Variants in ADH1A observed in about 807,000 individuals in gnomAD.
ADH1A encodes alcohol dehydrogenase 1A (class I), alpha polypeptide, also known as alcohol dehydrogenase 1A.
In ADH1A, 29 loss-of-function variants were observed where a neutral mutation model predicts 35.2. That is an observed-to-expected ratio of 0.82 (90% CI 0.61 to 1.12). The LOEUF is 1.12. Ranked by LOEUF, ADH1A falls within the 50% of genes most tolerant of loss-of-function variation. The probability of loss-of-function intolerance (pLI) is 0.00; values close to 1 mark genes in which losing one functional copy is unlikely to be tolerated. For missense variants in ADH1A, 469 were observed against 464.7 expected (o/e 1.01, Z -0.09); for synonymous variants, 147 against 164.8 (o/e 0.89, Z 0.83).
At chr4:99,278,377 CTGGCTCTCCTT>C (rs1378414275) in intron 8 of ADH1A, 2 of 152,114 alleles carry the variant, frequency 1.3e-5, no homozygotes, top group African/African-American at 4.8e-5. Flanking sequence ...CCTTTGAATT[CTGGCTCTCCTT>C]CCTACCATCT....
Position 99,290,896 on chromosome 4 carries a change from C to A in ADH1A, c.18+1G>T, listed in dbSNP as rs764261126. On this transcript the variant is annotated splice_donor_variant, in intron 1 of 8. Transcript: ENST00000209668. LOFTEE classifies it high-confidence loss of function. ...CCAACAGTAATATATTTTTTGCTTA[C>A]TTTTCCTGCTGTGCTCATGTTGATT... is the stretch of plus-strand genomic sequence containing the variant. 6.2e-7 allele frequency: 1 copy of A among 1,613,720 alleles called. No individual in the cohort carries two copies. Among genetic ancestry groups the A allele is most frequent in the Non-Finnish European group, 8.5e-7 (1 of 1,179,710 alleles).
chr4:99,287,352 T>G (rs974911725), intron 2 of ADH1A, among the ~76,000 whole-genome samples: 2 of 152,208 alleles, frequency 1.3e-5, no homozygotes, highest in African/African-American at 4.8e-5. Context: ...CACTTTGAAA[T>G]TTTCTTTCTG....
intron 2 of ADH1A, 81 bp from the exon 3 acceptor site, chr4:99,287,069 T>A (rs1420707850): frequency 6.8e-7 from 1 of 1,466,364 alleles, no homozygotes; most frequent in African/African-American, 1.4e-5. Flanking sequence ...GAAATTGCGC[T>A]TCCAAAATGT....
chr4:99,282,509 G>T lies in ADH1A; in HGVS notation c.665C>A (p.Ala222Glu), dbSNP rs781090973. The change falls in exon 6 of 9, where the codon GCG (alanine) becomes GAG (glutamate). Residue 222 changes from alanine (A) to glutamate (E), a missense_variant. Physicochemically the swap from Ala to Glu is moderately radical, Grantham distance 107. Transcript: ENST00000209668. ...CKAAGAARII[A>E]VDINKDKFAK... ...AAATTTGTCCTTGTTGATGTCCACC[G>T]CAATGATTCTGGCTGCCCCAGCTGC... is the stretch of plus-strand genomic sequence containing the variant. 2 of 1,614,120 alleles carry T rather than the reference G, an allele frequency of 1.2e-6. No individual in the cohort carries two copies. The highest frequency in any genetic ancestry group is 1.7e-6 in the Non-Finnish European group (2 of 1,180,030).
chr4:99,287,497 G>T, intron 2 of ADH1A, 67 bp downstream of exon 2: 2 of 1,491,612 alleles, frequency 1.3e-6, no homozygotes, highest in Non-Finnish European at 1.8e-6. Context: ...TAAAAATTTG[G>T]TTGTTTCCGT....
At chr4:99,286,410 A>T (rs1733154476) in intron 3 of ADH1A, among the ~76,000 whole-genome samples, 1 of 152,194 alleles carries the variant, frequency 6.6e-6, no homozygotes, top group Non-Finnish European at 1.5e-5. Flanking sequence ...ATTCAGCCGT[A>T]GCCATGTAGC....
intron 5 of ADH1A, among the ~76,000 whole-genome samples, chr4:99,283,670 G>A (rs1733061919): frequency 6.6e-6 from 1 of 152,172 alleles, no homozygotes; most frequent in African/African-American, 2.4e-5. Context: ...AACCAGCAGT[G>A]AGACTTTGGG....
In ADH1A at chr4:99,276,378, A is replaced by T. The variant is rs1374696621; in HGVS notation, c.*246T>A. On this transcript the variant is annotated 3_prime_UTR_variant, in exon 9 of 9. Transcript: ENST00000209668. ...GATGACACAAGTAGAATGGTTAAGA[A>T]GGAAGGTTTATTGGCTTCAATTCCC... 1 of 541,752 alleles carries T rather than the reference A, an allele frequency of 1.8e-6. No individual in the cohort carries two copies. The highest frequency in any genetic ancestry group is 1.9e-5 in the African/African-American group (1 of 51,460). The allele number at this position is 541,752 out of a possible 1,614,324, so 33.6% of individuals were successfully genotyped here. A position where few individuals can be genotyped will look rare whatever the true frequency, so the allele number is the denominator to read the frequency against.
At chr4:99,290,629 T>C (rs4147532) in intron 1 of ADH1A, among the ~76,000 whole-genome samples, 59,428 of 152,010 alleles carry the variant, frequency 0.39, 12,731 homozygotes, top group Admixed American at 0.51. Context: ...TTGGAATAAA[T>C]TATCGCTTTA....
At chr4:99,288,683 A>G (rs1191557021) in intron 1 of ADH1A, 1 of 152,236 alleles carries the variant, frequency 6.6e-6, no homozygotes, top group Non-Finnish European at 1.5e-5. Flanking sequence ...AACATGATCA[A>G]TGCCAAATAA....
intron 6 of ADH1A, 96 bp from the exon 7 acceptor site, chr4:99,280,375 A>C: frequency 1.9e-6 from 3 of 1,573,448 alleles, no homozygotes; most frequent in Non-Finnish European, 8.7e-7. Context: ...CTGGATTGTG[A>C]GTGTGTAGAG....
intron 5 of ADH1A, among the ~76,000 whole-genome samples, chr4:99,284,154 C>T (rs1461827137): frequency 6.6e-6 from 1 of 152,090 alleles, no homozygotes; most frequent in Non-Finnish European, 1.5e-5. Flanking sequence ...TCATAAAGAG[C>T]AAATACAGAA....
intron 7 of ADH1A, 116 bp downstream of exon 7, chr4:99,280,028 A>G (rs1579488979): frequency 1.4e-6 from 2 of 1,453,990 alleles, no homozygotes; most frequent in East Asian, 4.5e-5. Flanking sequence ...GACTGTAGAT[A>G]GAAAAGGAAT....
At chr4:99,283,387 C>A (rs1252917067) in intron 5 of ADH1A, among the ~76,000 whole-genome samples, 1 of 152,128 alleles carries the variant, frequency 6.6e-6, no homozygotes, top group African/African-American at 2.4e-5. Flanking sequence ...TTTATTAAAC[C>A]TAGTCTCCCA....
At chr4:99,280,621 T>C (rs1278997089) in intron 6 of ADH1A, among the ~76,000 whole-genome samples, 1 of 152,202 alleles carries the variant, frequency 6.6e-6, no homozygotes, top group Non-Finnish European at 1.5e-5. Context: ...AGGCAATCTG[T>C]GAGTTGGTTA....
At chr4:99,280,921 C>T (rs1229976) in intron 6 of ADH1A, among the ~76,000 whole-genome samples, 124,220 of 152,154 alleles carry the variant, frequency 0.82, 51,044 homozygotes, top group East Asian at 0.91. Context: ...TTTCTGAACA[C>T]GTTCTATAGT....
rs753005349 is a variant in ADH1A, at chr4:99,290,882, A to G, written c.18+15T>C. On this transcript the variant is annotated intron_variant, in intron 1 of 8. Coordinates refer to ENST00000209668, the MANE Select transcript of ADH1A (RefSeq NM_000667.4). ...ATGAGAATATAGTTCCAACAGTAATATATTTTTTGCTTACTTTTCCTGCTG... is the reference window on the plus strand; with the variant it reads ...ATGAGAATATAGTTCCAACAGTAATGTATTTTTTGCTTACTTTTCCTGCTG... 3 of 1,611,788 alleles carry G rather than the reference A, an allele frequency of 1.9e-6. No individual in the cohort carries two copies. The highest frequency in any genetic ancestry group is 2.5e-6 in the Non-Finnish European group (3 of 1,177,916).
In ADH1A at chr4:99,276,510, T is replaced by C. The variant is rs1441049526; in HGVS notation, c.*114A>G. The C allele has an allele frequency of 3.1e-6, 3 of 955,332 alleles. No homozygotes were observed. The highest frequency in any genetic ancestry group is 2.5e-5 in the East Asian group (1 of 40,624). 59.2% of individuals were successfully genotyped at this position (955,332 alleles called of 1,614,324 possible). ...TTCTTTGGAAAGCCCCCAAATGTAA[T>C]TTATTGATAAAATCTGTGATGAGCA... On this transcript the variant is annotated 3_prime_UTR_variant, in exon 9 of 9. Coordinates refer to ENST00000209668, the MANE Select transcript of ADH1A (RefSeq NM_000667.4).
At chr4:99,286,576 C>A in intron 3 of ADH1A, 1 of 422,642 alleles carries the variant, frequency 2.4e-6, no homozygotes, top group Non-Finnish European at 4.2e-6. Flanking sequence ...GCACTGTGTC[C>A]CTTTTGATCC....
Sources: allele counts gnomAD v4.1 joint callset (sites outside exome capture counted in the v4.1 genomes callset), GRCh38; gene constraint gnomAD v4.1.1; transcripts MANE v1.5; gene names NCBI Gene and HGNC (gene_info 2026-07-23, HGNC 2026-07-21).